Variants in SH2D4A observed in about 807,000 individuals in gnomAD.
SH2D4A encodes the protein SH2 domain containing 4A, also known as SH2 domain-containing protein 4A.
SH2D4A carries 70 observed loss-of-function variants against 64.7 expected under a neutral mutation model. The observed-to-expected ratio is 1.08, with a 90% CI of 0.89 to 1.32. The LOEUF (loss-of-function observed/expected upper bound fraction) is 1.32, where lower values mean the gene tolerates loss of function less well. Among genes scored for constraint, SH2D4A ranks in the 40% most tolerant of loss-of-function variants. The pLI is 0.00. For missense variants in SH2D4A, 706 were observed against 540.1 expected, an observed-to-expected ratio of 1.31 and a Z score of -3.04; for synonymous variants, 268 against 200.7, an observed-to-expected ratio of 1.34 and a Z score of -2.83.
chr8:19,320,309 G>C (rs377450428), intron 2 of SH2D4A, among the ~76,000 whole-genome samples: 21 of 152,066 alleles, frequency 1.4e-4, no homozygotes, highest in African/African-American at 5.1e-4. Context: ...TTGAGACCAT[G>C]GGGGAGGAAA....
At chr8:19,371,120 C>T (rs1044249689) in intron 7 of SH2D4A, among the ~76,000 whole-genome samples, 13 of 151,856 alleles carry the variant, frequency 8.6e-5, no homozygotes, top group Admixed American at 3.3e-4. Flanking sequence ...ATATTAAGTT[C>T]GTTTTTAGTC....
At chr8:19,329,203 G>A (rs973831851) in intron 2 of SH2D4A, among the ~76,000 whole-genome samples, 1 of 152,074 alleles carries the variant, frequency 6.6e-6, no homozygotes, top group African/African-American at 2.4e-5. Context: ...CCCATACTCA[G>A]TACAAAGAAC....
At chr8:19,384,686 G>A (rs897600259) in intron 8 of SH2D4A, among the ~76,000 whole-genome samples, 5 of 152,158 alleles carry the variant, frequency 3.3e-5, no homozygotes, top group African/African-American at 1.2e-4. Flanking sequence ...AGTCTCCAAA[G>A]TGTGTAGATA....
chr8:19,373,641 C>CATAG lies in SH2D4A; in HGVS notation c.1030_1033dup (p.Ala345AspfsTer16), dbSNP rs1458804971. The CATAG allele has an allele frequency of 1.9e-6, 3 of 1,613,126 alleles. No homozygotes were observed. The highest frequency in any genetic ancestry group is 2.5e-6 in the Non-Finnish European group (3 of 1,179,546). ...CGGGCTACCAGAAAACCTCAGACACCATAGCCCCCTGGTTCCATGGTGAGT... is the reference window on the plus strand; with the variant it reads ...CGGGCTACCAGAAAACCTCAGACACCATAGATAGCCCCCTGGTTCCATGGTGAGT... On this transcript the variant is annotated frameshift_variant, in exon 8 of 10. Transcript: ENST00000265807. LOFTEE classifies it high-confidence loss of function.
chr8:19,340,263 T>G (rs1308982246), intron 4 of SH2D4A, among the ~76,000 whole-genome samples: 1 of 151,820 alleles, frequency 6.6e-6, no homozygotes. Context: ...CAAGACAGGG[T>G]CTTGGGGGCT....
At position 19,335,475 on chromosome 8, in the gene SH2D4A, T is replaced by G. The variant is rs148930565; in HGVS notation, c.513+618T>G. Reference sequence around the variant, plus strand: ...ATGCTGCCCCATTATATGTCTTCTGTTACAGCAGAGGTTGGCAAACATTTT... The same window carrying G: ...ATGCTGCCCCATTATATGTCTTCTGGTACAGCAGAGGTTGGCAAACATTTT... On this transcript the variant is annotated intron_variant, in intron 4 of 9. Coordinates refer to ENST00000265807, the MANE Select transcript of SH2D4A (RefSeq NM_022071.4). Among the ~76,000 whole-genome samples the G allele has an allele frequency of 3.0e-3, 453 of 152,282 alleles. 4 individuals carry two copies. The highest frequency in any genetic ancestry group is 0.01 in the African/African-American group (433 of 41,552).
chr8:19,363,256 T>C (rs2052924856), intron 6 of SH2D4A, among the ~76,000 whole-genome samples: 1 of 151,980 alleles, frequency 6.6e-6, no homozygotes, highest in Non-Finnish European at 1.5e-5. Flanking sequence ...TTTGTATTTG[T>C]AGTAGAGTTG....
At chr8:19,375,690 T>C (rs757863179) in intron 8 of SH2D4A, 1 of 152,132 alleles carries the variant, frequency 6.6e-6, no homozygotes, top group Non-Finnish European at 1.5e-5. Flanking sequence ...ATGATAAATG[T>C]AGTTAATAGA....
chr8:19,394,838 G>A lies in SH2D4A; in HGVS notation c.*196G>A, dbSNP rs2053560610. On this transcript the variant is annotated 3_prime_UTR_variant, in exon 10 of 10. Transcript: ENST00000265807. ...CTGGAATTCAATGTCAAGAGAAAAT[G>A]ACCTCTGCTCAAAAGGGAGAAGAGT... 7.5e-6 allele frequency: 3 copies of A among 400,006 alleles called. No homozygotes were observed. The highest frequency in any genetic ancestry group is 3.7e-5 in the East Asian group (1 of 26,812). 24.8% of individuals were successfully genotyped at this position (400,006 alleles called of 1,614,324 possible). A position where few individuals can be genotyped will look rare whatever the true frequency, so the allele number is the denominator to read the frequency against.
intron 8 of SH2D4A, among the ~76,000 whole-genome samples, chr8:19,390,430 G>A (rs192997606): frequency 5.3e-4 from 80 of 152,204 alleles, no homozygotes; most frequent in African/African-American, 1.8e-3. Context: ...TTTTGGTTTT[G>A]TGCTCAAGAA....
chr8:19,358,111 T>C (rs1458765086), intron 5 of SH2D4A, among the ~76,000 whole-genome samples: 1 of 152,190 alleles, frequency 6.6e-6, no homozygotes, highest in Non-Finnish European at 1.5e-5. Context: ...CATACTTCTT[T>C]CTAAAACAGC....
chr8:19,314,695 G>A (rs1038040027), intron 1 of SH2D4A, among the ~76,000 whole-genome samples: 2 of 152,164 alleles, frequency 1.3e-5, no homozygotes, highest in African/African-American at 4.8e-5. Context: ...TAGAAACAAC[G>A]ACTTGGGTAC....
intron 4 of SH2D4A, among the ~76,000 whole-genome samples, chr8:19,341,859 A>G (rs1448810637): frequency 2.0e-5 from 3 of 151,762 alleles, no homozygotes; most frequent in African/African-American, 4.8e-5. Context: ...AAAAAAAAAA[A>G]AAGATCATCA....
chr8:19,316,945 G>T (rs564807976), intron 1 of SH2D4A, among the ~76,000 whole-genome samples: 63 of 152,348 alleles, frequency 4.1e-4, no homozygotes, highest in African/African-American at 1.5e-3. Flanking sequence ...CCTGGTACAA[G>T]AAGTGTTAGC....
chr8:19,327,831 G>A (rs76466926), intron 2 of SH2D4A, among the ~76,000 whole-genome samples: 2,267 of 152,186 alleles, frequency 0.015, 65 homozygotes, highest in African/African-American at 0.052. Flanking sequence ...GCTGACTGCC[G>A]ACACCAGTTC....
Position 19,319,363 on chromosome 8 carries a change from G to C in SH2D4A, c.-185G>C, listed in dbSNP as rs921041900. ...CTGCAGGTTCAGTGAACAGCATTTT[G>C]GACAGGACATTTGGTGCCAGGTCTG... On this transcript the variant is annotated 5_prime_UTR_variant, in exon 2 of 10. Transcript: ENST00000265807. 2.4e-6 allele frequency: 3 copies of C among 1,250,094 alleles called. No individual in the cohort carries two copies. The highest frequency in any genetic ancestry group is 3.1e-5 in the African/African-American group (2 of 64,526). The allele number at this position is 1,250,094 out of a possible 1,614,324, so 77.4% of individuals were successfully genotyped here.
chr8:19,313,693 G>T lies in SH2D4A; in HGVS notation c.-335G>T. The T allele has an allele frequency of 7.1e-7, 1 of 1,406,916 alleles. No homozygotes were observed. Among genetic ancestry groups the T allele is most frequent in the Non-Finnish European group, 9.6e-7 (1 of 1,046,348 alleles). 87.2% of individuals were successfully genotyped at this position (1,406,916 alleles called of 1,614,324 possible). On this transcript the variant is annotated 5_prime_UTR_variant, in exon 1 of 10. Transcript: ENST00000265807. ...AGAGCTGTTTTGCGTCCGGGCCGGAGTATTTGCTCAGCCCGCCTGCGCCGC... is the reference window on the plus strand; with the variant it reads ...AGAGCTGTTTTGCGTCCGGGCCGGATTATTTGCTCAGCCCGCCTGCGCCGC...
intron 7 of SH2D4A, among the ~76,000 whole-genome samples, chr8:19,370,177 C>T (rs1028185297): frequency 2.0e-5 from 3 of 151,926 alleles, no homozygotes; most frequent in African/African-American, 7.2e-5. Context: ...GTTTTGTGGC[C>T]TAACATATTC....
rs1006456962 is a variant in SH2D4A at position 19,394,587 on chromosome 8, T to C, written c.1310T>C (p.Leu437Pro). The C allele has an allele frequency of 3.1e-6, 5 of 1,608,202 alleles. No homozygotes were observed. The highest frequency in any genetic ancestry group is 4.2e-6 in the Non-Finnish European group (5 of 1,176,932). Reference sequence around the variant, plus strand: ...ACTTCCCTGGGGAAGGAGCTCCTTCTCTATCCCTGTGGTCAGCAGGACCAG... The same window carrying C: ...ACTTCCCTGGGGAAGGAGCTCCTTCCCTATCCCTGTGGTCAGCAGGACCAG... ...PITSLGKELLLYPCGQQDQLP... is the reference protein window; with the variant it reads ...PITSLGKELLPYPCGQQDQLP... The change falls in exon 10 of 10, where the codon CTC (leucine) becomes CCC (proline). Residue 437 changes from leucine (L) to proline (P), a missense_variant. Physicochemically the swap from Leu to Pro is moderately conservative, Grantham distance 98. Coordinates refer to ENST00000265807, the MANE Select transcript of SH2D4A (RefSeq NM_022071.4).
Sources: gnomAD v4.1 joint callset for allele counts (sites outside exome capture counted in the v4.1 genomes callset) on GRCh38, gnomAD v4.1.1 for gene constraint, MANE v1.5 for transcripts, NCBI Gene and HGNC (gene_info 2026-07-23, HGNC 2026-07-21) for gene names.